The following C9 variants were observed in gnomAD, a reference collection of about 807,000 sequenced individuals.
The protein encoded by C9 is complement C9.
Under a neutral mutation model 65.4 loss-of-function variants are expected in C9, and 63 were observed. The observed-to-expected ratio is 0.96, with a 90% CI of 0.79 to 1.19. The LOEUF (loss-of-function observed/expected upper bound fraction) is 1.19. Among genes scored for constraint, C9 ranks in the 50% most tolerant of loss-of-function variants. The pLI, the probability that C9 is intolerant of heterozygous loss-of-function variation, is 0.00. For missense variants in C9, 744 were observed against 670.1 expected, an observed-to-expected ratio of 1.11 and a Z score of -1.22; for synonymous variants, 229 against 227.9, an observed-to-expected ratio of 1.00 and a Z score of -0.04.
intron 1 of C9, among the ~76,000 whole-genome samples, chr5:39,356,909 G>A (rs974256133): frequency 6.6e-6 from 1 of 152,168 alleles, no homozygotes; most frequent in Non-Finnish European, 1.5e-5. Context: ...GAGTGGAGAA[G>A]TATTTGTAAA....
intron 9 of C9, among the ~76,000 whole-genome samples, chr5:39,301,652 T>C (rs972892369): frequency 6.6e-6 from 1 of 152,126 alleles, no homozygotes; most frequent in African/African-American, 2.4e-5. Flanking sequence ...TTGTGTAATT[T>C]TGCTGTGTCT....
At chr5:39,285,978 T>C (rs1752985407) in intron 10 of C9, among the ~76,000 whole-genome samples, 1 of 152,000 alleles carries the variant, frequency 6.6e-6, no homozygotes, top group Non-Finnish European at 1.5e-5. Flanking sequence ...AGATCTACCT[T>C]GAGGGAAAAA....
intron 2 of C9, 47 bp from the exon 3 acceptor site, chr5:39,341,747 A>T (rs1284415345): frequency 2.5e-6 from 4 of 1,584,202 alleles, no homozygotes; most frequent in Non-Finnish European, 3.5e-6. Flanking sequence ...TGCCAAAAAA[A>T]GGGTATGGTC....
Position 39,364,488 on chromosome 5 carries a change from A to C in C9, c.-24T>G. On this transcript the variant is annotated 5_prime_UTR_variant, in exon 1 of 11. Coordinates refer to ENST00000263408, the MANE Select transcript of C9 (RefSeq NM_001737.5). ...ATGCTGCTCTTGCTGGGTGGCTGCGAGTGGGGTGGCAGGGCAGGTCTGGTA... is the reference window on the plus strand; with the variant it reads ...ATGCTGCTCTTGCTGGGTGGCTGCGCGTGGGGTGGCAGGGCAGGTCTGGTA... The C allele has an allele frequency of 6.8e-7, 1 of 1,472,384 alleles. No individual in the cohort carries two copies. Among genetic ancestry groups the C allele is most frequent in the Non-Finnish European group, 9.5e-7 (1 of 1,052,688 alleles). The allele number at this position is 1,472,384 out of a possible 1,614,324, so 91.2% of individuals were successfully genotyped here.
At chr5:39,329,912 T>TATA (rs1019972180) in intron 5 of C9, among the ~76,000 whole-genome samples, 2 of 152,186 alleles carry the variant, frequency 1.3e-5, no homozygotes, top group Admixed American at 6.5e-5. Flanking sequence ...TTCTTTTATG[T>TATA]ATAATAATAA....
intron 7 of C9, among the ~76,000 whole-genome samples, chr5:39,309,072 C>T (rs1186313398): frequency 1.3e-5 from 2 of 152,032 alleles, no homozygotes; most frequent in East Asian, 1.9e-4. Flanking sequence ...TGGAAGCTGA[C>T]TCATTATGGT....
At chr5:39,330,718 G>A (rs536556680) in intron 5 of C9, among the ~76,000 whole-genome samples, 43 of 151,148 alleles carry the variant, frequency 2.8e-4, no homozygotes, top group Middle Eastern at 3.2e-3. Flanking sequence ...TTTGGCAACT[G>A]ACATATTCTG....
chr5:39,357,952 A>G (rs1479186802), intron 1 of C9, among the ~76,000 whole-genome samples: 1 of 152,166 alleles, frequency 6.6e-6, no homozygotes, highest in South Asian at 2.1e-4. Flanking sequence ...GCCACCTACG[A>G]GCATGGGGTG....
At chr5:39,289,834 T>C (rs3913022) in intron 9 of C9, among the ~76,000 whole-genome samples, 3,455 of 151,990 alleles carry the variant, frequency 0.023, 48 homozygotes, top group Non-Finnish European at 0.032. Flanking sequence ...GTGTTAGGAT[T>C]CTTATACCAA....
chr5:39,318,557 C>CTT (rs5867455), intron 5 of C9, among the ~76,000 whole-genome samples: 6 of 143,112 alleles, frequency 4.2e-5, no homozygotes, highest in African/African-American at 1.3e-4. Flanking sequence ...TCAATTAGAA[C>CTT]TTTTTTTTTT....
chr5:39,289,057 A>T, intron 9 of C9, 106 bp from the exon 10 acceptor site: 1 of 731,440 alleles, frequency 1.4e-6, no homozygotes, highest in Non-Finnish European at 2.4e-6. Flanking sequence ...TTCAACAAAG[A>T]CTTATTGAAT....
chr5:39,306,402 A>T (rs981092268), intron 9 of C9, among the ~76,000 whole-genome samples: 14 of 152,098 alleles, frequency 9.2e-5, no homozygotes, highest in Non-Finnish European at 1.9e-4. Flanking sequence ...AAAACATCCC[A>T]CACATAGTGA....
chr5:39,349,339 C>T (rs1754275238), intron 1 of C9, among the ~76,000 whole-genome samples: 1 of 152,084 alleles, frequency 6.6e-6, no homozygotes, highest in African/African-American at 2.4e-5. Flanking sequence ...ATAAAGTGTT[C>T]AAGCTTGTGA....
intron 1 of C9, among the ~76,000 whole-genome samples, chr5:39,347,079 A>G (rs1041552546): frequency 6.6e-6 from 1 of 152,224 alleles, no homozygotes; most frequent in Non-Finnish European, 1.5e-5. Context: ...TGAATGGGCA[A>G]AAACTGGAAG....
rs767328870 is a variant in C9, at chr5:39,308,247, CTCTTTACACAATCA to C, written c.1209_1222del (p.Asp403GlufsTer5). ...ACACTTACCAGCTCTACCCTCTCCC[CTCTTTACACAATCA>C]TCTTTATTAAATTCAGCTCCAACAG... On this transcript the variant is annotated frameshift_variant, in exon 8 of 11. Coordinates refer to ENST00000263408, the MANE Select transcript of C9 (RefSeq NM_001737.5). LOFTEE classifies it high-confidence loss of function. The C allele has an allele frequency of 2.7e-4, 436 of 1,613,186 alleles. 1 individual carries two copies. Among genetic ancestry groups the C allele is most frequent in the Non-Finnish European group, 3.6e-4 (422 of 1,179,370 alleles).
intron 9 of C9, 140 bp downstream of exon 9, chr5:39,306,477 G>T: frequency 1.4e-6 from 1 of 720,268 alleles, no homozygotes; most frequent in Non-Finnish European, 2.4e-6. Context: ...TCTATGCCAT[G>T]CCTCCTTTTG....
chr5:39,302,994 C>T (rs1753310104), intron 9 of C9, among the ~76,000 whole-genome samples: 2 of 152,130 alleles, frequency 1.3e-5, no homozygotes, highest in African/African-American at 4.8e-5. Flanking sequence ...GATTACATAA[C>T]TTTGTTTCTA....
chr5:39,314,058 A>C (rs1228121463), intron 6 of C9, among the ~76,000 whole-genome samples: 2 of 151,910 alleles, frequency 1.3e-5, no homozygotes, highest in African/African-American at 4.8e-5. Flanking sequence ...TTTTAGCAAG[A>C]CTCCTTGCTT....
intron 4 of C9, among the ~76,000 whole-genome samples, chr5:39,332,471 T>G (rs923851881): frequency 3.3e-5 from 5 of 152,260 alleles, no homozygotes; most frequent in Non-Finnish European, 4.4e-5. Flanking sequence ...CTTTCATTCA[T>G]AAATATAAAT....
Sources: gnomAD v4.1 joint callset for allele counts (sites outside exome capture counted in the v4.1 genomes callset) on GRCh38, gnomAD v4.1.1 for gene constraint, MANE v1.5 for transcripts, NCBI Gene and HGNC (gene_info 2026-07-23, HGNC 2026-07-21) for gene names.